Variants in FKTN observed in about 807,000 individuals in gnomAD.
FKTN encodes fukutin, also known as ribitol-5-phosphate transferase FKTN.
Under a neutral mutation model 58.6 loss-of-function variants are expected in FKTN, and 47 were observed. The observed-to-expected ratio is 0.80, with a 90% confidence interval of 0.63 to 1.02. FKTN has a LOEUF of 1.02. FKTN is among the 50% of genes least tolerant of loss of function. The pLI is 0.00. For synonymous variants in FKTN, 178 were observed against 191.9 expected, an observed-to-expected ratio of 0.93 and a Z score of 0.60; for missense variants, 516 against 537.3, an observed-to-expected ratio of 0.96 and a Z score of 0.39.
intron 7 of FKTN, among the ~76,000 whole-genome samples, chr9:105,611,007 C>A (rs994714716): frequency 6.6e-6 from 1 of 151,368 alleles, no homozygotes; most frequent in African/African-American, 2.5e-5. Context: ...AGTGAAAAAC[C>A]AAAAGGAAAG....
intron 9 of FKTN, 158 bp from the exon 10 acceptor site, chr9:105,619,776 C>A: frequency 1.7e-6 from 1 of 584,220 alleles, no homozygotes; most frequent in Admixed American, 3.0e-5. Context: ...ATCCCAATTT[C>A]AGAGGTGCCT....
In FKTN at chr9:105,635,333, G is replaced by T; in HGVS notation, c.*69G>T. ...GTAGATAACTGTTTAAAAAATACAT[G>T]TCTATTTGTCAAACATAAGTGGGAA... On this transcript the variant is annotated 3_prime_UTR_variant, in exon 11 of 11. Transcript: ENST00000357998. The T allele has an allele frequency of 1.2e-6, 2 of 1,605,698 alleles. No homozygotes were observed. Among genetic ancestry groups the T allele is most frequent in the Non-Finnish European group, 1.7e-6 (2 of 1,176,078 alleles).
At chr9:105,633,130 T>C (rs1833688919) in intron 10 of FKTN, among the ~76,000 whole-genome samples, 2 of 152,202 alleles carry the variant, frequency 1.3e-5, no homozygotes, top group South Asian at 2.1e-4. Context: ...TGAAAAATAA[T>C]TGGGGAAAAG....
intron 3 of FKTN, among the ~76,000 whole-genome samples, chr9:105,593,790 G>A (rs1845334324): frequency 2.0e-5 from 3 of 152,184 alleles, no homozygotes; most frequent in Admixed American, 2.0e-4. Flanking sequence ...ACAATTCTTG[G>A]TATATCAAAT....
chr9:105,636,609 TTG>T lies in FKTN; in HGVS notation c.*1347_*1348del. ...TCTCTTATATCACTTGAATGATATATTGTAAGTGAGAGGTAAAGGAAAATGTA... is the reference window on the plus strand; with the variant it reads ...TCTCTTATATCACTTGAATGATATATTAAGTGAGAGGTAAAGGAAAATGTA... On this transcript the variant is annotated 3_prime_UTR_variant, in exon 11 of 11. Coordinates refer to ENST00000357998, the MANE Select transcript of FKTN (RefSeq NM_001079802.2). 8.5e-7 allele frequency: 1 copy of T among 1,174,408 alleles called. No homozygotes were observed. Among genetic ancestry groups the T allele is most frequent in the Non-Finnish European group, 1.1e-6 (1 of 913,548 alleles). The allele number at this position is 1,174,408 out of a possible 1,614,324, so 72.7% of individuals were successfully genotyped here. A position where few individuals can be genotyped will look rare whatever the true frequency, so the allele number is the denominator to read the frequency against.
intron 10 of FKTN, among the ~76,000 whole-genome samples, chr9:105,633,067 GT>G (rs1001450637): frequency 5.9e-5 from 9 of 152,040 alleles, no homozygotes; most frequent in African/African-American, 1.9e-4. Context: ...ACATTTTATT[GT>G]TTGTTTATCT....
intron 5 of FKTN, 92 bp from the exon 6 acceptor site, chr9:105,604,123 A>G: frequency 7.6e-7 from 1 of 1,320,174 alleles, no homozygotes; most frequent in East Asian, 2.3e-5. Flanking sequence ...AGTTCAATAT[A>G]AGAATCACTT....
intron 9 of FKTN, among the ~76,000 whole-genome samples, chr9:105,619,473 G>C (rs1831469265): frequency 6.6e-6 from 1 of 152,050 alleles, no homozygotes; most frequent in African/African-American, 2.4e-5. Flanking sequence ...CATGTGTGTA[G>C]TATAATGAGC....
chr9:105,568,446 GA>G (rs1840103151), intron 1 of FKTN, among the ~76,000 whole-genome samples: 1 of 151,840 alleles, frequency 6.6e-6, no homozygotes, highest in African/African-American at 2.4e-5. Flanking sequence ...AAATTTACAA[GA>G]AAAAAACAAC....
chr9:105,593,284 T>G (rs1845239081), intron 3 of FKTN, among the ~76,000 whole-genome samples: 1 of 152,060 alleles, frequency 6.6e-6, no homozygotes, highest in Admixed American at 6.5e-5. Context: ...TCAGGATAAC[T>G]CACTCACTCA....
chr9:105,604,772 T>C (rs1000722739), intron 6 of FKTN, among the ~76,000 whole-genome samples: 1 of 151,900 alleles, frequency 6.6e-6, no homozygotes, highest in African/African-American at 2.4e-5. Context: ...CTGGCCAACA[T>C]GGTGAAACCT....
In FKTN at chr9:105,640,329, T is replaced by A; in HGVS notation, c.*5065T>A. Reference sequence around the variant, plus strand: ...AGTTTGAGAAGCTAAGGCAGGTGGATCACTTGAGGCCAGGAGTTCGAGACC... The same window carrying A: ...AGTTTGAGAAGCTAAGGCAGGTGGAACACTTGAGGCCAGGAGTTCGAGACC... On this transcript the variant is annotated 3_prime_UTR_variant, in exon 11 of 11. Coordinates refer to ENST00000357998, the MANE Select transcript of FKTN (RefSeq NM_001079802.2). 1 of 577,814 alleles carries A rather than the reference T, an allele frequency of 1.7e-6. No individual in the cohort carries two copies. Among genetic ancestry groups the A allele is most frequent in the Non-Finnish European group, 2.8e-6 (1 of 354,914 alleles). The allele number at this position is 577,814 out of a possible 1,614,324, so 35.8% of individuals were successfully genotyped here.
chr9:105,601,101 T>C, intron 4 of FKTN, 44 bp from the exon 5 acceptor site: 1 of 1,073,728 alleles, frequency 9.3e-7, no homozygotes, highest in East Asian at 2.4e-5. Context: ...TAGACTGTTG[T>C]GTTGGCTTAC....
intron 10 of FKTN, among the ~76,000 whole-genome samples, chr9:105,625,890 C>T (rs1001298904): frequency 2.6e-5 from 4 of 151,582 alleles, no homozygotes; most frequent in African/African-American, 7.3e-5. Context: ...TTTTCCCTCA[C>T]GATCATAGCT....
intron 9 of FKTN, among the ~76,000 whole-genome samples, chr9:105,619,528 A>C (rs1831475609): frequency 6.6e-6 from 1 of 152,174 alleles, no homozygotes; most frequent in African/African-American, 2.4e-5. Context: ...ACTTTACTTA[A>C]GTACTTATTG....
intron 3 of FKTN, among the ~76,000 whole-genome samples, chr9:105,591,242 G>T (rs990381404): frequency 1.3e-5 from 2 of 152,228 alleles, no homozygotes; most frequent in Non-Finnish European, 2.9e-5. Flanking sequence ...CTTCCCAACA[G>T]TCCTTCAAAG....
chr9:105,630,625 T>G lies in FKTN; in HGVS notation c.1173-4426T>G, dbSNP rs374928701. 3.9e-5 allele frequency among the ~76,000 whole-genome samples: 6 copies of G among 152,296 alleles called. 1 individual carries two copies. Among genetic ancestry groups the G allele is most frequent in the African/African-American group, 1.4e-4 (6 of 41,562 alleles). ...GACATGAACAATACCAAAAAAAATT[T>G]TTTAAGGGAAATTACTGTCTCAGTG... On this transcript the variant is annotated intron_variant, in intron 10 of 10. Coordinates refer to ENST00000357998, the MANE Select transcript of FKTN (RefSeq NM_001079802.2).
At chr9:105,580,263 G>T (rs1285539461) in intron 3 of FKTN, among the ~76,000 whole-genome samples, 1 of 152,030 alleles carries the variant, frequency 6.6e-6, no homozygotes, top group Non-Finnish European at 1.5e-5. Flanking sequence ...TCCTAGTCTC[G>T]ACGGTCTTTA....
At chr9:105,630,677 T>C (rs561901772) in intron 10 of FKTN, among the ~76,000 whole-genome samples, 2 of 152,288 alleles carry the variant, frequency 1.3e-5, no homozygotes, top group African/African-American at 4.8e-5. Flanking sequence ...ACTAAATGAA[T>C]AGAATTTTGT....
Sources: gnomAD v4.1 joint callset for allele counts (sites outside exome capture counted in the v4.1 genomes callset) on GRCh38, gnomAD v4.1.1 for gene constraint, MANE v1.5 for transcripts, NCBI Gene and HGNC (gene_info 2026-07-23, HGNC 2026-07-21) for gene names.